The following KCNH1 variants were observed in gnomAD, a reference collection of about 807,000 sequenced individuals.
KCNH1 encodes potassium voltage-gated channel subfamily H member 1, also known as voltage-gated delayed rectifier potassium channel KCNH1.
A neutral mutation model predicts 69.2 loss-of-function variants in KCNH1; 27 were observed. That is an observed-to-expected ratio of 0.39 (90% CI 0.29 to 0.54). The LOEUF is 0.54. Ranked by LOEUF, KCNH1 falls within the 20% of genes least tolerant of loss-of-function variation. The probability of loss-of-function intolerance (pLI) is 0.68; values close to 1 mark genes in which losing one functional copy is unlikely to be tolerated. For synonymous variants in KCNH1, 456 were observed against 487.7 expected (o/e 0.93, Z 0.86); for missense variants, 798 against 1,261.6 (o/e 0.63, Z 5.57).
At chr1:210,813,649 C>T (rs1027556667) in intron 7 of KCNH1, among the ~76,000 whole-genome samples, 3 of 152,186 alleles carry the variant, frequency 2.0e-5, no homozygotes, top group Non-Finnish European at 4.4e-5. Flanking sequence ...TTTATATTGG[C>T]ATGGCAACTG....
chr1:210,751,547 C>T (rs1683284740), intron 10 of KCNH1, among the ~76,000 whole-genome samples: 1 of 152,062 alleles, frequency 6.6e-6, no homozygotes, highest in Admixed American at 6.6e-5. Flanking sequence ...AACGTTAGGA[C>T]AGTTCCAGGC....
chr1:210,979,351 C>A (rs61577575), intron 6 of KCNH1, among the ~76,000 whole-genome samples: 6,707 of 152,302 alleles, frequency 0.044, 251 homozygotes, highest in East Asian at 0.18. Flanking sequence ...TTCTAGAACA[C>A]TGAAATTGTT....
chr1:210,932,477 C>T (rs1219599357), intron 6 of KCNH1, among the ~76,000 whole-genome samples: 1 of 151,978 alleles, frequency 6.6e-6, no homozygotes, highest in Non-Finnish European at 1.5e-5. Context: ...CAGAAAACAA[C>T]AAACAAAATG....
rs1287005176 is a variant in KCNH1, at chr1:210,947,255, CG to C, written c.1033-27187del. On this transcript the variant is annotated intron_variant, in intron 6 of 10. Coordinates refer to ENST00000271751, the MANE Select transcript of KCNH1 (RefSeq NM_172362.3). ...ACCCCATTCATACCACTGGGTCTCTCGGCTGAAAAGCAAATGTTAAAGCTCA... is the reference window on the plus strand; with the variant it reads ...ACCCCATTCATACCACTGGGTCTCTCGCTGAAAAGCAAATGTTAAAGCTCA... Among the ~76,000 whole-genome samples, 10 of 152,250 alleles carry C rather than the reference CG, an allele frequency of 6.6e-5. No individual in the cohort carries two copies. The South Asian group carries it at 2.1e-3, about 32-fold the overall frequency.
intron 7 of KCNH1, among the ~76,000 whole-genome samples, chr1:210,814,420 CTAAAGT>C (rs1684772425): frequency 1.3e-5 from 2 of 152,218 alleles, no homozygotes; most frequent in Admixed American, 1.3e-4. Flanking sequence ...AGAATTTTCT[CTAAAGT>C]TAATTATTTC....
In KCNH1 at chr1:210,919,890, C is replaced by A; in HGVS notation, c.1212G>T (p.Glu404Asp). Reference protein sequence around the residue: ...ACIWYSIGDYEIFDEDTKTIR... With the variant: ...ACIWYSIGDYDIFDEDTKTIR... Reference sequence around the variant, plus strand: ...TTGTCTTGGTGTCCTCGTCAAAGATCTCATAGTCCCCAATGCTGTACCAGA... The same window carrying A: ...TTGTCTTGGTGTCCTCGTCAAAGATATCATAGTCCCCAATGCTGTACCAGA... Residue 404 changes from glutamate (E) to aspartate (D), a missense_variant, in exon 7 of 11, where the codon GAG (glutamate) becomes GAT (aspartate). This residue lies in a region of KCNH1 where 197 missense variants were observed against 407.7 expected (regional missense o/e 0.48). Coordinates refer to ENST00000271751, the MANE Select transcript of KCNH1 (RefSeq NM_172362.3). The surrounding 1 kb of genome is among the most constrained non-coding windows in gnomAD (Gnocchi z 4.2). The A allele has an allele frequency of 6.2e-7, 1 of 1,614,186 alleles. No homozygotes were observed. Among genetic ancestry groups the A allele is most frequent in the Non-Finnish European group, 8.5e-7 (1 of 1,180,022 alleles).
intron 7 of KCNH1, among the ~76,000 whole-genome samples, chr1:210,910,874 T>C (rs1460974233): frequency 6.6e-6 from 1 of 152,216 alleles, no homozygotes; most frequent in Non-Finnish European, 1.5e-5. Context: ...TATTCACTGG[T>C]CAAGTAAACT....
chr1:210,982,577 T>C (rs981664261), intron 6 of KCNH1, among the ~76,000 whole-genome samples: 5 of 152,196 alleles, frequency 3.3e-5, no homozygotes, highest in African/African-American at 1.2e-4. Context: ...GTTTCATCCA[T>C]GTCCCTACAA....
chr1:210,683,197 G>T lies in KCNH1; in HGVS notation c.*84C>A. On this transcript the variant is annotated 3_prime_UTR_variant, in exon 11 of 11. Coordinates refer to ENST00000271751, the MANE Select transcript of KCNH1 (RefSeq NM_172362.3). The surrounding 1 kb of genome is among the most constrained non-coding windows in gnomAD (Gnocchi z 5.7). ...AGGAAAAGCCTACTTGAAAATTGTT[G>T]GTCATGTGGACATATGTGGTAGGGG... The T allele has an allele frequency of 7.7e-7, 1 of 1,298,000 alleles. No individual in the cohort carries two copies. Among genetic ancestry groups the T allele is most frequent in the South Asian group, 1.4e-5 (1 of 70,012 alleles). 80.4% of individuals were successfully genotyped at this position (1,298,000 alleles called of 1,614,324 possible). A position where few individuals can be genotyped will look rare whatever the true frequency, so the allele number is the denominator to read the frequency against.
intron 6 of KCNH1, among the ~76,000 whole-genome samples, chr1:210,960,711 T>C (rs1336762651): frequency 6.6e-6 from 1 of 152,190 alleles, no homozygotes; most frequent in Non-Finnish European, 1.5e-5. Context: ...AAAGCTGCTA[T>C]GAAGATCTGT....
intron 10 of KCNH1, among the ~76,000 whole-genome samples, chr1:210,689,008 G>A (rs1249949575): frequency 1.3e-5 from 2 of 152,210 alleles, no homozygotes; most frequent in African/African-American, 4.8e-5. Context: ...ATGTTGCTCA[G>A]AATGCTGAGA....
At chr1:211,059,006 T>C (rs1455786387) in intron 5 of KCNH1, among the ~76,000 whole-genome samples, 1 of 152,066 alleles carries the variant, frequency 6.6e-6, no homozygotes, top group East Asian at 1.9e-4. Context: ...GTCAGCCAGG[T>C]GCGGTGGCTC....
chr1:211,106,713 T>C (rs1308658130), intron 2 of KCNH1, among the ~76,000 whole-genome samples: 1 of 151,732 alleles, frequency 6.6e-6, no homozygotes, highest in Non-Finnish European at 1.5e-5. Context: ...GAGAACTGCT[T>C]GAACCCAGGA....
intron 7 of KCNH1, among the ~76,000 whole-genome samples, chr1:210,845,430 A>G (rs1400693608): frequency 0.023 from 2,560 of 110,188 alleles, no homozygotes; most frequent in Non-Finnish European, 0.029. Context: ...AAACATACGC[A>G]AATCAATAAA....
At chr1:210,876,647 G>A (rs891241709) in intron 7 of KCNH1, among the ~76,000 whole-genome samples, 1 of 152,036 alleles carries the variant, frequency 6.6e-6, no homozygotes, top group Non-Finnish European at 1.5e-5. Context: ...GCTTTTATAA[G>A]CTTCTCTTGA....
intron 10 of KCNH1, among the ~76,000 whole-genome samples, chr1:210,750,153 C>T (rs1683252731): frequency 6.6e-6 from 1 of 152,110 alleles, no homozygotes; most frequent in Admixed American, 6.6e-5. Flanking sequence ...TCACACACTC[C>T]CACATACCAC....
At chr1:210,689,198 G>A (rs1681475253) in intron 10 of KCNH1, among the ~76,000 whole-genome samples, 1 of 152,186 alleles carries the variant, frequency 6.6e-6, no homozygotes, top group Admixed American at 6.5e-5. Context: ...TTAAGCTACA[G>A]GGATTTCTGA....
chr1:211,113,674 C>T (rs930274576), intron 1 of KCNH1, among the ~76,000 whole-genome samples: 1 of 152,122 alleles, frequency 6.6e-6, no homozygotes, highest in African/African-American at 2.4e-5. Context: ...GGAAACTTGG[C>T]CATGTTAGCA....
chr1:210,950,091 T>C (rs188077201), intron 6 of KCNH1, among the ~76,000 whole-genome samples: 254 of 152,342 alleles, frequency 1.7e-3, no homozygotes, highest in Middle Eastern at 6.8e-3. Context: ...CCACCTTCAT[T>C]CTTCTCTGAA....
Sources: allele counts gnomAD v4.1 joint callset (sites outside exome capture counted in the v4.1 genomes callset), GRCh38; gene constraint gnomAD v4.1.1; regional missense constraint gnomAD v4.1.1; non-coding constraint Gnocchi (gnomAD v3.1); transcripts MANE v1.5; gene names NCBI Gene and HGNC (gene_info 2026-07-23, HGNC 2026-07-21).